RBFOX1: variants seen among roughly 807,000 people sequenced by gnomAD.
RBFOX1 encodes the protein RNA binding fox-1 homolog 1.
Under a neutral mutation model 57.7 loss-of-function variants are expected in RBFOX1, and 8 were observed. That is an observed-to-expected ratio of 0.14 (90% CI 0.08 to 0.25). The LOEUF is 0.25. Ranked by LOEUF, RBFOX1 falls within the 10% of genes least tolerant of loss-of-function variation. The pLI, the probability that RBFOX1 is intolerant of heterozygous loss-of-function variation, is 1.00. For missense variants in RBFOX1, 611 were observed against 548.5 expected, an observed-to-expected ratio of 1.11 and a Z score of -1.14; for synonymous variants, 326 against 222.4, an observed-to-expected ratio of 1.47 and a Z score of -4.15.
At chr16:7,154,869 C>T (rs1004437183) in intron 4 of RBFOX1, among the ~76,000 whole-genome samples, 2 of 151,986 alleles carry the variant, frequency 1.3e-5, no homozygotes, top group African/African-American at 4.8e-5. Context: ...TGTTATGAAA[C>T]CCACTTCATA....
Position 5,463,936 on chromosome 16 carries a change from A to G in RBFOX1, c.220-3280A>G, listed in dbSNP as rs542014049. Among the ~76,000 whole-genome samples the G allele has an allele frequency of 2.8e-4, 42 of 152,314 alleles. 2 individuals are homozygous for G. The South Asian group carries it at 8.3e-3, about 30-fold the overall frequency. On this transcript the variant is annotated intron_variant, in intron 1 of 2. Coordinates refer to the RBFOX1 transcript ENST00000585867. Reference sequence around the variant, plus strand: ...AGCCAAATTGTGTTCAGCAGAACAAAGAGAGGTGTCCAGCAGCCTTTGAAG... The same window carrying G: ...AGCCAAATTGTGTTCAGCAGAACAAGGAGAGGTGTCCAGCAGCCTTTGAAG...
intron 3 of RBFOX1, among the ~76,000 whole-genome samples, chr16:5,807,936 T>C (rs1283305006): frequency 6.6e-6 from 1 of 152,170 alleles, no homozygotes; most frequent in Non-Finnish European, 1.5e-5. Flanking sequence ...ACCATAAACC[T>C]TGTATCTGGG....
intron 4 of RBFOX1, among the ~76,000 whole-genome samples, chr16:5,882,730 G>T (rs539108104): frequency 2.0e-5 from 3 of 152,328 alleles, no homozygotes; most frequent in South Asian, 4.1e-4. Flanking sequence ...CCATGTGCCA[G>T]TGTTGTCCCT....
chr16:5,279,435 T>C (rs1321081479), intron 1 of RBFOX1, among the ~76,000 whole-genome samples: 1 of 152,170 alleles, frequency 6.6e-6, no homozygotes, highest in African/African-American at 2.4e-5. Context: ...ACATTACTGA[T>C]TTTTGTGTGT....
intron 1 of RBFOX1, among the ~76,000 whole-genome samples, chr16:6,240,343 G>A (rs1001069329): frequency 6.6e-6 from 1 of 152,158 alleles, no homozygotes; most frequent in Non-Finnish European, 1.5e-5. Flanking sequence ...TATTGAGGTA[G>A]TTCTTCAGCT....
chr16:5,581,179 C>A (rs772842124), intron 2 of RBFOX1, among the ~76,000 whole-genome samples: 12 of 151,880 alleles, frequency 7.9e-5, no homozygotes, highest in Non-Finnish European at 1.5e-4. Flanking sequence ...TTTTTTCTGA[C>A]AGAAAAGAAA....
intron 3 of RBFOX1, among the ~76,000 whole-genome samples, chr16:5,814,752 C>A: frequency 6.6e-6 from 1 of 152,066 alleles, no homozygotes; most frequent in East Asian, 1.9e-4. Context: ...CAAGGTGAAA[C>A]CCCGTCTCTA....
chr16:5,401,753 CTCCCTGT>C (rs2066718791), intron 1 of RBFOX1, among the ~76,000 whole-genome samples: 1 of 131,066 alleles, frequency 7.6e-6, no homozygotes, highest in Non-Finnish European at 1.6e-5. Flanking sequence ...CTCTCTCTCT[CTCCCTGT>C]CTCTCTCCTC....
At chr16:6,416,123 C>T (rs2093617911) in intron 2 of RBFOX1, among the ~76,000 whole-genome samples, 1 of 152,328 alleles carries the variant, frequency 6.6e-6, no homozygotes. Context: ...GAAACAAAAG[C>T]CGTGTCTACT....
At chr16:7,068,177 G>T (rs1279527100) in intron 4 of RBFOX1, among the ~76,000 whole-genome samples, 2 of 151,892 alleles carry the variant, frequency 1.3e-5, no homozygotes, top group African/African-American at 4.8e-5. Context: ...TAATTCCATT[G>T]GCAAAATCCT....
intron 2 of RBFOX1, among the ~76,000 whole-genome samples, chr16:6,458,004 C>G (rs1401458723): frequency 3.4e-5 from 3 of 88,546 alleles, no homozygotes; most frequent in African/African-American, 1.2e-4. Context: ...TTTGTGTTCT[C>G]AAAACTGAAA....
intron 3 of RBFOX1, among the ~76,000 whole-genome samples, chr16:6,717,162 A>G (rs1260824763): frequency 6.6e-6 from 1 of 152,136 alleles, no homozygotes; most frequent in Non-Finnish European, 1.5e-5. Context: ...TTTAAGATGC[A>G]CGGTCTATGG....
At chr16:6,997,982 C>A (rs1186272032) in intron 3 of RBFOX1, among the ~76,000 whole-genome samples, 1 of 150,398 alleles carries the variant, frequency 6.6e-6, no homozygotes, top group Admixed American at 6.6e-5. Flanking sequence ...GCTTGGCAGT[C>A]CTAGCAAAGT....
At chr16:5,369,489 A>G (rs974074304) in intron 1 of RBFOX1, among the ~76,000 whole-genome samples, 1 of 152,198 alleles carries the variant, frequency 6.6e-6, no homozygotes, top group East Asian at 1.9e-4. Flanking sequence ...GCTTTCAGGC[A>G]TCACCTCATT....
At chr16:6,162,661 C>A (rs889671347) in intron 1 of RBFOX1, among the ~76,000 whole-genome samples, 1 of 152,114 alleles carries the variant, frequency 6.6e-6, no homozygotes, top group African/African-American at 2.4e-5. Flanking sequence ...AAAGAAAGTT[C>A]ATAATGTTAT....
chr16:7,178,182 C>A (rs765547467), intron 4 of RBFOX1, among the ~76,000 whole-genome samples: 5 of 152,212 alleles, frequency 3.3e-5, no homozygotes, highest in Non-Finnish European at 7.3e-5. Flanking sequence ...TCATGCAAAG[C>A]CCACCATGGG....
Position 7,220,211 on chromosome 16 carries a change from C to T in RBFOX1, c.27+168113C>T, listed in dbSNP as rs574391360. 5.3e-5 allele frequency among the ~76,000 whole-genome samples: 8 copies of T among 152,306 alleles called. 1 individual carries two copies. The South Asian group carries it at 1.2e-3, about 24-fold the overall frequency. On this transcript the variant is annotated intron_variant, in intron 4 of 15. Transcript: ENST00000550418. ...GAAAATTCTTGACATTAGCAGACAG[C>T]ATGCTCTGAAGCAAGTAAGAGAAGG...
chr16:7,130,236 A>G (rs2069891903), intron 4 of RBFOX1, among the ~76,000 whole-genome samples: 1 of 151,776 alleles, frequency 6.6e-6, no homozygotes, highest in African/African-American at 2.4e-5. Context: ...GTTTCGCCAT[A>G]TTTGGCCAGG....
At chr16:6,593,023 C>T (rs945582959) in intron 2 of RBFOX1, among the ~76,000 whole-genome samples, 4 of 152,108 alleles carry the variant, frequency 2.6e-5, no homozygotes, top group African/African-American at 9.7e-5. Context: ...TAAAACCTGT[C>T]TGTACTAAAA....
Sources: allele counts gnomAD v4.1 joint callset (sites outside exome capture counted in the v4.1 genomes callset), GRCh38; gene constraint gnomAD v4.1.1; transcripts MANE v1.5; gene names NCBI Gene and HGNC (gene_info 2026-07-23, HGNC 2026-07-21).